OXLD1: variants seen among roughly 807,000 people sequenced by gnomAD.
OXLD1 encodes the protein oxidoreductase-like domain-containing protein 1.
In OXLD1, 4 loss-of-function variants were observed where a neutral mutation model predicts 3.1. The ratio of observed to expected loss-of-function variants is 1.28; its 90% CI spans 0.63 to 2.92. The LOEUF is 2.92. OXLD1 is among the 30% of genes most tolerant of loss of function. OXLD1 has a pLI of 0.01. For synonymous variants in OXLD1, 100 were observed against 87.0 expected (o/e 1.15, Z -0.83); for missense variants, 240 against 204.6 (o/e 1.17, Z -1.05).
chr17:81,665,347 A>C lies in OXLD1; in HGVS notation c.298T>G (p.Trp100Gly). 1 of 1,613,412 alleles carries C rather than the reference A, an allele frequency of 6.2e-7. No homozygotes were observed. The highest frequency in any genetic ancestry group is 8.5e-7 in the Non-Finnish European group (1 of 1,180,014). Residue 100 changes from tryptophan (W) to glycine (G), a missense_variant, in exon 2 of 2, where the codon TGG becomes GGG. Physicochemically the swap from Trp to Gly is radical, Grantham distance 184. Coordinates refer to ENST00000374741, the MANE Select transcript of OXLD1 (RefSeq NM_001039842.3). ...CCMSGCPNCV[W>G]VEYADRLLQH... ...AGCAGCCTGTCCGCGTACTCCACCC[A>C]CACGCAGTTGGGGCAGCCACTCATG...
At position 81,666,375 on chromosome 17, in the gene OXLD1, G is replaced by A. The variant is rs1319230383; in HGVS notation, c.60+143C>T. ...GAGGAGAGGAGCGAGGGGTCCTTCG[G>A]CGGCGGCCAGCGCGCGATCCTCCCG... On this transcript the variant is annotated intron_variant, in intron 1 of 1. Coordinates refer to ENST00000374741, the MANE Select transcript of OXLD1 (RefSeq NM_001039842.3). 7.3e-6 allele frequency: 7 copies of A among 962,798 alleles called. No homozygotes were observed. The East Asian group carries it at 1.2e-4, about 17-fold the overall frequency. The allele number at this position is 962,798 out of a possible 1,614,324, so 59.6% of individuals were successfully genotyped here.
intron 1 of OXLD1, chr17:81,665,832 G>A: frequency 3.7e-6 from 2 of 540,472 alleles, no homozygotes; most frequent in East Asian, 6.4e-5. Context: ...CTGGCGCCGG[G>A]TGTGCACTCA....
intron 1 of OXLD1, 196 bp downstream of exon 1, chr17:81,666,322 C>G: frequency 1.7e-6 from 1 of 584,242 alleles, no homozygotes; most frequent in Non-Finnish European, 2.8e-6. Context: ...CCACAGATTC[C>G]GGGGCGGGGA....
rs763334375 is a variant in OXLD1, at chr17:81,665,473, C to T, written c.172G>A (p.Gly58Arg). The T allele has an allele frequency of 1.9e-6, 3 of 1,613,326 alleles. No individual in the cohort carries two copies. Among genetic ancestry groups the T allele is most frequent in the Middle Eastern group, 1.7e-4 (1 of 6,058 alleles). Residue 58 changes from glycine (G) to arginine (R), a missense_variant, in exon 2 of 2, where the codon GGG becomes AGG. Gly to Arg is a moderately radical substitution (Grantham distance 125). Transcript: ENST00000374741. ...AQAPDGRRKF[G>R]TDHVEVGSQA... is the part of the protein sequence containing the mutation. The stretch of plus-strand genomic sequence containing the variant: ...GAGCCCACCTCTACGTGGTCTGTCC[C>T]GAATTTTCTGCGCCCATCAGGGGCT...
intron 1 of OXLD1, 107 bp from the exon 2 acceptor site, chr17:81,665,691 T>C (rs527859257): frequency 9.2e-6 from 12 of 1,309,202 alleles, no homozygotes; most frequent in Non-Finnish European, 1.2e-5. Context: ...ACTGGCTCCA[T>C]GTCCTCAGCT....
At position 81,666,563 on chromosome 17, in the gene OXLD1, C is replaced by G. The variant is rs1272331357; in HGVS notation, c.15G>C (p.Arg5Ser). 23 of 1,498,232 alleles carry G rather than the reference C, an allele frequency of 1.5e-5. No homozygotes were observed. Among genetic ancestry groups the G allele is most frequent in the Non-Finnish European group, 1.9e-5 (22 of 1,129,504 alleles). 92.8% of individuals were successfully genotyped at this position (1,498,232 alleles called of 1,614,324 possible). Reference sequence around the variant, plus strand: ...CTACCGCCCGGCCTCCCTCGACCACCCTCCGCAGCAGCATCGCCCGCGGAC... The same window carrying G: ...CTACCGCCCGGCCTCCCTCGACCACGCTCCGCAGCAGCATCGCCCGCGGAC... MLLRRVVEGGRAVAA... is the reference protein window; with the variant it reads MLLRSVVEGGRAVAA... Residue 5 changes from arginine to serine, a missense_variant, in exon 1 of 2, where the codon AGG becomes AGC. Transcript: ENST00000374741.
Position 81,665,811 on chromosome 17 carries a change from AGGATCAG to A in OXLD1, c.61-234_61-228del, listed in dbSNP as rs543935292. ...CACGGTGTGATTCACAAGAAGTGCCAGGATCAGGGCCTGGCGCCGGGTGTGCACTCAA... is the reference window on the plus strand; with the variant it reads ...CACGGTGTGATTCACAAGAAGTGCCAGGCCTGGCGCCGGGTGTGCACTCAA... On this transcript the variant is annotated intron_variant, in intron 1 of 1. Coordinates refer to ENST00000374741, the MANE Select transcript of OXLD1 (RefSeq NM_001039842.3). The A allele has an allele frequency of 6.9e-6, 4 of 576,046 alleles. No individual in the cohort carries two copies. The East Asian group carries it at 9.4e-5, about 13-fold the overall frequency. The allele number at this position is 576,046 out of a possible 1,614,324, so 35.7% of individuals were successfully genotyped here. A position where few individuals can be genotyped will look rare whatever the true frequency, so the allele number is the denominator to read the frequency against.
intron 1 of OXLD1, chr17:81,666,228 G>A (rs975360837): frequency 8.3e-6 from 4 of 484,528 alleles, no homozygotes; most frequent in African/African-American, 2.0e-5. Flanking sequence ...AGGAGGGCTC[G>A]CACACAGGCG....
At chr17:81,666,336 GGTA>G (rs1310883857) in intron 1 of OXLD1, 179 bp downstream of exon 1, 1 of 657,524 alleles carries the variant, frequency 1.5e-6, no homozygotes, top group Non-Finnish European at 2.4e-6. Flanking sequence ...GCGGGGACTC[GGTA>G]AGAGCCGATG....
chr17:81,666,488 G>T, intron 1 of OXLD1, 30 bp downstream of exon 1: 1 of 1,529,102 alleles, frequency 6.5e-7, no homozygotes. Flanking sequence ...CGTGCCCTTC[G>T]GCGCTGCCAA....
In OXLD1 at chr17:81,665,456, C is replaced by T. The variant is rs2036586508; in HGVS notation, c.189G>A (p.Glu63=). 6.2e-7 allele frequency: 1 copy of T among 1,613,348 alleles called. No individual in the cohort carries two copies. The highest frequency in any genetic ancestry group is 8.5e-7 in the Non-Finnish European group (1 of 1,180,036). Residue 63 remains glutamate, a synonymous_variant, in exon 2 of 2, where the codon GAG becomes GAA. Transcript: ENST00000374741. ...CGTCCGCACCTGCTTGGGAGCCCACCTCTACGTGGTCTGTCCCGAATTTTC... is the reference window on the plus strand; with the variant it reads ...CGTCCGCACCTGCTTGGGAGCCCACTTCTACGTGGTCTGTCCCGAATTTTC... The part of the protein sequence containing the change: ...GRRKFGTDHV[E]VGSQAGADGT...
At position 81,665,207 on chromosome 17, in the gene OXLD1, TC is replaced by T; in HGVS notation, c.437del (p.Gly146GlufsTer37). 6.2e-7 allele frequency: 1 copy of T among 1,608,466 alleles called. No individual in the cohort carries two copies. Among genetic ancestry groups the T allele is most frequent in the African/African-American group, 1.3e-5 (1 of 74,998 alleles). On this transcript the variant is annotated frameshift_variant, in exon 2 of 2. Coordinates refer to ENST00000374741, the MANE Select transcript of OXLD1 (RefSeq NM_001039842.3). LOFTEE classifies it high-confidence loss of function. ...RMEIRLHTRC[G>X]G ...GGAGTCCAGCAGGGATGGCTCAGCC[TC>T]CGCACCTGGTGTGCAGCCGGATCTC...
intron 1 of OXLD1, 42 bp downstream of exon 1, chr17:81,666,476 G>A: frequency 6.6e-7 from 1 of 1,525,334 alleles, no homozygotes; most frequent in Non-Finnish European, 8.7e-7. Flanking sequence ...CGGCCTCTCG[G>A]ACGTGCCCTT....
chr17:81,665,250 T>C lies in OXLD1; in HGVS notation c.395A>G (p.Lys132Arg). The C allele has an allele frequency of 6.2e-7, 1 of 1,613,522 alleles. No homozygotes were observed. Among genetic ancestry groups the C allele is most frequent in the Non-Finnish European group, 8.5e-7 (1 of 1,179,988 alleles). Residue 132 changes from lysine to arginine, a missense_variant, in exon 2 of 2, where the codon AAG becomes AGG. Physicochemically the swap from Lys to Arg is conservative, Grantham distance 26 (BLOSUM62 2). Transcript: ENST00000374741. Reference protein sequence around the residue: ...LEEHVADENLKAFLRMEIRLH... With the variant: ...LEEHVADENLRAFLRMEIRLH... ...CCGGATCTCCATCCTGAGGAAGGCC[T>C]TGAGGTTCTCATCAGCCACGTGCTC...
chr17:81,665,474 G>T lies in OXLD1; in HGVS notation c.171C>A (p.Phe57Leu). ...AGCCCACCTCTACGTGGTCTGTCCCGAATTTTCTGCGCCCATCAGGGGCTT... is the reference window on the plus strand; with the variant it reads ...AGCCCACCTCTACGTGGTCTGTCCCTAATTTTCTGCGCCCATCAGGGGCTT... Reference protein sequence around the residue: ...GAQAPDGRRKFGTDHVEVGSQ... With the variant: ...GAQAPDGRRKLGTDHVEVGSQ... The change falls in exon 2 of 2, where the codon TTC becomes TTA. Residue 57 changes from phenylalanine to leucine, a missense_variant. Phe to Leu is a conservative substitution (Grantham distance 22). Coordinates refer to ENST00000374741, the MANE Select transcript of OXLD1 (RefSeq NM_001039842.3). The T allele has an allele frequency of 1.2e-6, 2 of 1,613,312 alleles. No individual in the cohort carries two copies. Among genetic ancestry groups the T allele is most frequent in the Non-Finnish European group, 1.7e-6 (2 of 1,180,004 alleles).
At chr17:81,665,981 A>G (rs2036606041) in intron 1 of OXLD1, 1 of 375,796 alleles carries the variant, frequency 2.7e-6, no homozygotes, top group Non-Finnish European at 4.8e-6. Flanking sequence ...AAGCCCCACC[A>G]CCTCTGAGGG....
Position 81,666,521 on chromosome 17 carries a change from G to T in OXLD1, c.57C>A (p.Gly19=), listed in dbSNP as rs527878926. Residue 19 remains glycine (G), a synonymous_variant, in exon 1 of 2, where the codon GGC becomes GGA. Coordinates refer to ENST00000374741, the MANE Select transcript of OXLD1 (RefSeq NM_001039842.3). ...CAAGACCCGTCCTGGTACTTGCCGA[G>T]CCACGGACCGCGGCGGCTACCGCCC... ...GGRAVAAAVR[G]SGARRFSSPD... 1.3e-6 allele frequency: 2 copies of T among 1,524,824 alleles called. No homozygotes were observed. Among genetic ancestry groups the T allele is most frequent in the Non-Finnish European group, 1.7e-6 (2 of 1,145,538 alleles). 94.5% of individuals were successfully genotyped at this position (1,524,824 alleles called of 1,614,324 possible).
Position 81,665,383 on chromosome 17 carries a change from T to C in OXLD1, c.262A>G (p.Thr88Ala), listed in dbSNP as rs1229345694. 2 of 1,613,602 alleles carry C rather than the reference T, an allele frequency of 1.2e-6. No individual in the cohort carries two copies. The highest frequency in any genetic ancestry group is 2.2e-5 in the South Asian group (2 of 91,076). ...GGGCAGCCACTCATGCAGCAGTTTG[T>C]GGGCGGCTGGAGCTCAGGTGGCAGC... is the stretch of plus-strand genomic sequence containing the variant. ...ASLPPELQPP[T>A]NCCMSGCPNC... The change falls in exon 2 of 2, where the codon ACA becomes GCA. Residue 88 changes from threonine (T) to alanine (A), a missense_variant. Physicochemically the swap from Thr to Ala is moderately conservative, Grantham distance 58. Coordinates refer to ENST00000374741, the MANE Select transcript of OXLD1 (RefSeq NM_001039842.3).
chr17:81,665,801 A>G, intron 1 of OXLD1: 1 of 591,280 alleles, frequency 1.7e-6, no homozygotes, highest in Non-Finnish European at 2.8e-6. Context: ...TGTGATTCAC[A>G]AGAAGTGCCA....
Sources: allele counts gnomAD v4.1 joint callset, GRCh38; gene constraint gnomAD v4.1.1; transcripts MANE v1.5; gene names NCBI Gene and HGNC (gene_info 2026-07-23, HGNC 2026-07-21).